The following ZBTB26 variants were observed in gnomAD, a reference collection of about 807,000 sequenced individuals.
ZBTB26 encodes the protein zinc finger and BTB domain-containing protein 26.
In ZBTB26, 12 loss-of-function variants were observed where a neutral mutation model predicts 31.6. The observed-to-expected ratio is 0.38, with a 90% CI of 0.24 to 0.61. The LOEUF (loss-of-function observed/expected upper bound fraction) is 0.61, where lower values mean the gene tolerates loss of function less well. ZBTB26 is among the 20% of genes least tolerant of loss of function. ZBTB26 has a pLI of 0.60. For missense variants in ZBTB26, 311 were observed against 521.9 expected (o/e 0.60, Z 3.94); for synonymous variants, 155 against 182.9 (o/e 0.85, Z 1.23).
At chr9:122,929,988 C>G (rs1403620438) in intron 1 of ZBTB26, among the ~76,000 whole-genome samples, 1 of 152,146 alleles carries the variant, frequency 6.6e-6, no homozygotes, top group Non-Finnish European at 1.5e-5. Context: ...ATTCCTCTTT[C>G]TGCTTCATAA....
chr9:122,923,057 G>A (rs7854647), intron 1 of ZBTB26, among the ~76,000 whole-genome samples: 10,179 of 151,804 alleles, frequency 0.067, 407 homozygotes, highest in African/African-American at 0.085. Context: ...GGTGGCGGGC[G>A]CCTATAGTTT....
At chr9:122,923,183 CAA>C (rs143122693) in intron 1 of ZBTB26, among the ~76,000 whole-genome samples, 1 of 116,400 alleles carries the variant, frequency 8.6e-6, no homozygotes. Context: ...GACTCCATCT[CAA>C]AAAAAAAAAA....
chr9:122,927,711 C>T (rs945087289), intron 1 of ZBTB26, among the ~76,000 whole-genome samples: 2 of 152,130 alleles, frequency 1.3e-5, no homozygotes, highest in African/African-American at 4.8e-5. Context: ...AGAATGTATT[C>T]TTCTTGAAAA....
In ZBTB26 at chr9:122,928,420, C is replaced by T. The variant is rs537355822; in HGVS notation, c.-11+3017G>A. 8.5e-5 allele frequency among the ~76,000 whole-genome samples: 13 copies of T among 152,082 alleles called. No individual in the cohort carries two copies. The South Asian group carries it at 2.7e-3, about 32-fold the overall frequency. On this transcript the variant is annotated intron_variant, in intron 1 of 1. Transcript: ENST00000373656. ...GGTTCAAGTGATTCTCATGCCTCAGCCTCCCACCTCCCAAAGTGCTGGGAT... is the reference window on the plus strand; with the variant it reads ...GGTTCAAGTGATTCTCATGCCTCAGTCTCCCACCTCCCAAAGTGCTGGGAT...
intron 1 of ZBTB26, among the ~76,000 whole-genome samples, chr9:122,929,961 G>GACT (rs1829609749): frequency 6.6e-6 from 1 of 151,912 alleles, no homozygotes; most frequent in African/African-American, 2.4e-5. Context: ...GCCTACTGCT[G>GACT]ACTACTACTA....
chr9:122,919,845 ATTCTC>A lies in ZBTB26; in HGVS notation c.85_89del (p.Glu29Ter), dbSNP rs1833070120. On this transcript the variant is annotated frameshift_variant, in exon 2 of 2. Transcript: ENST00000373656. LOFTEE classifies it high-confidence loss of function. The surrounding 1 kb of genome is among the most constrained non-coding windows in gnomAD (Gnocchi z 6.1). ...TGAGAACTGTAACATCACAAAATTTATTCTCTTCTCTTAATTTGTTCATTTTTTGT... is the reference window on the plus strand; with the variant it reads ...TGAGAACTGTAACATCACAAAATTTATTCTCTTAATTTGTTCATTTTTTGT... 1.2e-6 allele frequency: 2 copies of A among 1,613,560 alleles called. No homozygotes were observed. The highest frequency in any genetic ancestry group is 1.3e-5 in the African/African-American group (1 of 74,910).
chr9:122,918,720 G>A lies in ZBTB26; in HGVS notation c.1215C>T (p.Val405=), dbSNP rs149144300. ...GTGGCTGACACCCTTTAGAGTCTGT[G>A]ACTGTTGTACATGCAAAAGAATCAA... is the stretch of plus-strand genomic sequence containing the variant. The part of the protein sequence containing the change: ...VDFDSFACTT[V]TDSKGCQPQP... Residue 405 remains valine (V), a synonymous_variant, in exon 2 of 2, where the codon GTC becomes GTT. Coordinates refer to ENST00000373656, the MANE Select transcript of ZBTB26 (RefSeq NM_020924.4). 8.7e-6 allele frequency: 14 copies of A among 1,614,062 alleles called. No individual in the cohort carries two copies. In the African/African-American group the frequency reaches 1.5e-4, roughly 17 times the overall value.
In ZBTB26 at chr9:122,916,730, C is replaced by G. The variant is rs1419775256; in HGVS notation, c.*1879G>C. On this transcript the variant is annotated 3_prime_UTR_variant, in exon 2 of 2. Coordinates refer to ENST00000373656, the MANE Select transcript of ZBTB26 (RefSeq NM_020924.4). ...AGGCATAAGGTACCTATTAGTCTTACCACTCAACTGTATTATCATTTTAAA... is the reference window on the plus strand; with the variant it reads ...AGGCATAAGGTACCTATTAGTCTTAGCACTCAACTGTATTATCATTTTAAA... 2.0e-5 allele frequency: 3 copies of G among 152,142 alleles called. No homozygotes were observed. Among genetic ancestry groups the G allele is most frequent in the Admixed American group, 2.0e-4 (3 of 15,264 alleles). The allele number at this position is 152,142 out of a possible 1,614,324, so 9.4% of individuals were successfully genotyped here.
chr9:122,921,899 C>A (rs2131537150), intron 1 of ZBTB26, among the ~76,000 whole-genome samples: 1 of 150,942 alleles, frequency 6.6e-6, no homozygotes, highest in South Asian at 2.1e-4. Flanking sequence ...CCACTGCACT[C>A]CAGCCTGGGC....
At chr9:122,927,696 T>C (rs1344120143) in intron 1 of ZBTB26, among the ~76,000 whole-genome samples, 3 of 152,210 alleles carry the variant, frequency 2.0e-5, no homozygotes, top group Admixed American at 6.5e-5. Flanking sequence ...TTAAGTAATA[T>C]ATACAGAATG....
At chr9:122,930,489 C>T (rs187613522) in intron 1 of ZBTB26, among the ~76,000 whole-genome samples, 135 of 152,294 alleles carry the variant, frequency 8.9e-4, no homozygotes, top group Admixed American at 2.2e-3. Context: ...TAACTTTTAG[C>T]TAAATGTCTA....
intron 1 of ZBTB26, among the ~76,000 whole-genome samples, chr9:122,921,907 G>A (rs1564335319): frequency 6.6e-6 from 1 of 151,262 alleles, no homozygotes; most frequent in Non-Finnish European, 1.5e-5. Context: ...CTCCAGCCTG[G>A]GCAACAAGAG....
intron 1 of ZBTB26, 113 bp from the exon 2 acceptor site, chr9:122,920,057 C>A: frequency 8.2e-7 from 1 of 1,225,146 alleles, no homozygotes; most frequent in Non-Finnish European, 1.1e-6. Context: ...TGTATGTATC[C>A]AAATGAAATC....
chr9:122,922,229 CTCTG>C (rs1833112458), intron 1 of ZBTB26, among the ~76,000 whole-genome samples: 1 of 152,158 alleles, frequency 6.6e-6, no homozygotes, highest in Non-Finnish European at 1.5e-5. Flanking sequence ...CAGAATGAGG[CTCTG>C]TCTAAAAAAA....
At chr9:122,925,031 G>C (rs897800299) in intron 1 of ZBTB26, among the ~76,000 whole-genome samples, 2 of 152,042 alleles carry the variant, frequency 1.3e-5, no homozygotes, top group Non-Finnish European at 2.9e-5. Flanking sequence ...TAAGAGAAAT[G>C]ATACCTAATC....
intron 1 of ZBTB26, among the ~76,000 whole-genome samples, chr9:122,924,390 C>CT (rs1280756489): frequency 7.2e-5 from 11 of 152,254 alleles, no homozygotes; most frequent in Middle Eastern, 3.4e-3. Flanking sequence ...TTCCAATAGA[C>CT]TGTTAGTTAT....
chr9:122,928,682 T>C (rs1424908388), intron 1 of ZBTB26, among the ~76,000 whole-genome samples: 1 of 152,208 alleles, frequency 6.6e-6, no homozygotes, highest in Non-Finnish European at 1.5e-5. Flanking sequence ...CTCCCTATGT[T>C]AACAATCCCT....
At position 122,918,264 on chromosome 9, in the gene ZBTB26, G is replaced by T. The variant is rs1833042902; in HGVS notation, c.*345C>A. Reference sequence around the variant, plus strand: ...CATAGCATCTATTAGTGGAGAGTAGGTGACGTTATTAACTTGTTGGTACCT... The same window carrying T: ...CATAGCATCTATTAGTGGAGAGTAGTTGACGTTATTAACTTGTTGGTACCT... On this transcript the variant is annotated 3_prime_UTR_variant, in exon 2 of 2. Transcript: ENST00000373656. 4.4e-6 allele frequency: 1 copy of T among 227,302 alleles called. No homozygotes were observed. The highest frequency in any genetic ancestry group is 5.2e-5 in the Admixed American group (1 of 19,398). 14.1% of individuals were successfully genotyped at this position (227,302 alleles called of 1,614,324 possible). A position where few individuals can be genotyped will look rare whatever the true frequency, so the allele number is the denominator to read the frequency against.
Position 122,930,684 on chromosome 9 carries a change from T to C in ZBTB26, c.-11+753A>G, listed in dbSNP as rs140597776. ...CTTTCCCAGTCTCATATCCATTCTG[T>C]GCATAGGAGTCCCCCCATTTCCTCC... On this transcript the variant is annotated intron_variant, in intron 1 of 1. Coordinates refer to ENST00000373656, the MANE Select transcript of ZBTB26 (RefSeq NM_020924.4). Among the ~76,000 whole-genome samples, 644 of 152,288 alleles carry C rather than the reference T, an allele frequency of 4.2e-3. 2 individuals are homozygous for C. Among genetic ancestry groups the C allele is most frequent in the Non-Finnish European group, 6.8e-3 (464 of 68,016 alleles).
Sources: allele counts gnomAD v4.1 joint callset (sites outside exome capture counted in the v4.1 genomes callset), GRCh38; gene constraint gnomAD v4.1.1; non-coding constraint Gnocchi (gnomAD v3.1); transcripts MANE v1.5; gene names NCBI Gene and HGNC (gene_info 2026-07-23, HGNC 2026-07-21).